Variants in PARD3B observed in about 807,000 individuals in gnomAD.
The protein encoded by PARD3B is partitioning defective 3 homolog B.
Under a neutral mutation model 130.2 loss-of-function variants are expected in PARD3B, and 103 were observed. That is an observed-to-expected ratio of 0.79 (90% confidence interval 0.67 to 0.93). The LOEUF (loss-of-function observed/expected upper bound fraction) is 0.93. Ranked by LOEUF, PARD3B falls within the 40% of genes least tolerant of loss-of-function variation. The pLI is 0.00. For synonymous variants in PARD3B, 583 were observed against 553.2 expected, an observed-to-expected ratio of 1.05 and a Z score of -0.76; for missense variants, 1,609 against 1,499.2, an observed-to-expected ratio of 1.07 and a Z score of -1.21.
In PARD3B at chr2:205,538,472, T is replaced by TACACACAC. The variant is rs71410824; in HGVS notation, c.3181-14838_3181-14831dup. On this transcript the variant is annotated intron_variant, in intron 21 of 22. Transcript: ENST00000406610. ...CAACAATAAGATGGTCACGTGTGTG[T>TACACACAC]ACACACACACACACACACACATGCA... 5.2e-4 allele frequency among the ~76,000 whole-genome samples: 78 copies of TACACACAC among 150,854 alleles called. 1 individual carries two copies. Among genetic ancestry groups the TACACACAC allele is most frequent in the African/African-American group, 1.1e-3 (45 of 41,252 alleles).
chr2:205,212,507 G>T (rs747365249), intron 15 of PARD3B, among the ~76,000 whole-genome samples: 1 of 152,106 alleles, frequency 6.6e-6, no homozygotes, highest in Non-Finnish European at 1.5e-5. Context: ...AGTAGGGTGA[G>T]GAAGGATTGC....
intron 18 of PARD3B, among the ~76,000 whole-genome samples, chr2:205,392,277 A>C (rs2045887014): frequency 6.6e-6 from 1 of 152,194 alleles, no homozygotes; most frequent in East Asian, 1.9e-4. Flanking sequence ...AAAAACAAAC[A>C]TCAACATATT....
Position 205,325,365 on chromosome 2 carries a change from C to T in PARD3B, c.2630+23664C>T, listed in dbSNP as rs1328612296. Among the ~76,000 whole-genome samples, 2 of 152,246 alleles carry T rather than the reference C, an allele frequency of 1.3e-5. No homozygotes were observed. Among genetic ancestry groups the T allele is most frequent in the African/African-American group, 2.4e-5 (1 of 41,552 alleles). On this transcript the variant is annotated intron_variant, in intron 18 of 22. Transcript: ENST00000406610. The surrounding 1 kb of genome is among the most constrained non-coding windows in gnomAD (Gnocchi z 4.1). ...GGGCTTTTCATATTCCCTGTGACTA[C>T]AATGCCCTTTCCCCATCCTTCAATC...
At chr2:205,204,223 A>C (rs1476436383) in intron 15 of PARD3B, among the ~76,000 whole-genome samples, 1 of 152,122 alleles carries the variant, frequency 6.6e-6, no homozygotes, top group Non-Finnish European at 1.5e-5. Flanking sequence ...GCTTTTCTTC[A>C]TATGTTTGTT....
intron 2 of PARD3B, among the ~76,000 whole-genome samples, chr2:204,749,478 T>A (rs1297851213): frequency 6.6e-6 from 1 of 152,184 alleles, no homozygotes; most frequent in Non-Finnish European, 1.5e-5. Context: ...GGAAAATAGA[T>A]GACTAAGAGT....
intron 21 of PARD3B, among the ~76,000 whole-genome samples, chr2:205,535,586 G>A (rs2051813502): frequency 6.6e-6 from 1 of 152,156 alleles, no homozygotes; most frequent in Non-Finnish European, 1.5e-5. Context: ...AAATATTGAT[G>A]TAATGGGTCT....
At chr2:205,161,716 A>T (rs142130959) in intron 11 of PARD3B, among the ~76,000 whole-genome samples, 1 of 152,308 alleles carries the variant, frequency 6.6e-6, no homozygotes, top group Non-Finnish European at 1.5e-5. Context: ...AGCACTGGGA[A>T]CATCTTTGTC....
chr2:205,133,279 A>G (rs1021608029), intron 10 of PARD3B, among the ~76,000 whole-genome samples: 7 of 152,188 alleles, frequency 4.6e-5, no homozygotes, highest in Non-Finnish European at 7.4e-5. Flanking sequence ...TGTTAGCGGT[A>G]TTTTTACAGT....
At chr2:205,542,168 A>C (rs2052174325) in intron 21 of PARD3B, among the ~76,000 whole-genome samples, 1 of 150,640 alleles carries the variant, frequency 6.6e-6, no homozygotes, top group Non-Finnish European at 1.5e-5. Flanking sequence ...AAAAAAAAAA[A>C]AAAAAGTATA....
At chr2:205,095,997 T>C (rs1234935300) in intron 4 of PARD3B, among the ~76,000 whole-genome samples, 1 of 152,094 alleles carries the variant, frequency 6.6e-6, no homozygotes, top group Non-Finnish European at 1.5e-5. Flanking sequence ...ATTTCAGGTA[T>C]GCTTCATGCC....
At chr2:204,573,933 A>G (rs1004398379) in intron 1 of PARD3B, among the ~76,000 whole-genome samples, 1 of 151,988 alleles carries the variant, frequency 6.6e-6, no homozygotes, top group Admixed American at 6.6e-5. Flanking sequence ...TTATTCCTCT[A>G]CTGTCTTATA....
At chr2:205,054,752 A>T (rs1485471038) in intron 4 of PARD3B, among the ~76,000 whole-genome samples, 8 of 151,958 alleles carry the variant, frequency 5.3e-5, no homozygotes. Context: ...GCTTTCTAGA[A>T]AGCCTAAGAC....
rs1295505689 is a variant in PARD3B at position 204,553,534 on chromosome 2, T to TGG, written c.120+7418_120+7419dup. Among the ~76,000 whole-genome samples, 265 of 106,688 alleles carry TGG rather than the reference T, an allele frequency of 2.5e-3. 1 individual carries two copies. The highest frequency in any genetic ancestry group is 7.6e-3 in the African/African-American group (250 of 33,044). The allele number at this position is 106,688 out of a possible 152,430, so 70.0% of individuals were successfully genotyped here. Reference sequence around the variant, plus strand: ...AGTCAACGAGTGGGTAAAGAATCTGTGGGGTGTGTGTGTGTGTGTGTGTGT... The same window carrying TGG: ...AGTCAACGAGTGGGTAAAGAATCTGTGGGGGGTGTGTGTGTGTGTGTGTGTGT... On this transcript the variant is annotated intron_variant, in intron 1 of 22. Coordinates refer to ENST00000406610, the MANE Select transcript of PARD3B (RefSeq NM_001302769.2).
intron 4 of PARD3B, among the ~76,000 whole-genome samples, chr2:205,052,452 A>ATATATATATAT (rs1443249681): frequency 0.053 from 1,093 of 20,444 alleles, 23 homozygotes; most frequent in Middle Eastern, 0.083. Context: ...TATATATATA[A>ATATATATATAT]AATTAAAAAA....
chr2:204,721,414 G>A (rs1202366897), intron 2 of PARD3B, among the ~76,000 whole-genome samples: 7 of 152,104 alleles, frequency 4.6e-5, no homozygotes, highest in Admixed American at 6.6e-5. Context: ...GGCTGGAGGG[G>A]CTCTTTTAAA....
chr2:205,452,542 C>T lies in PARD3B; in HGVS notation c.3044+11870C>T, dbSNP rs529321725. Among the ~76,000 whole-genome samples, 26 of 152,114 alleles carry T rather than the reference C, an allele frequency of 1.7e-4. 3 individuals are homozygous for T. Among genetic ancestry groups the T allele is most frequent in the African/African-American group, 5.8e-4 (24 of 41,476 alleles). On this transcript the variant is annotated intron_variant, in intron 20 of 22. Transcript: ENST00000406610. ...AGATTTTTTTTCTTAGAACATATTA[C>T]CATCAATTTTTAAGTGACTTTTAAA...
chr2:204,973,701 TATG>T (rs1216614936), intron 3 of PARD3B, among the ~76,000 whole-genome samples: 2 of 152,208 alleles, frequency 1.3e-5, no homozygotes, highest in East Asian at 3.8e-4. Flanking sequence ...GATAAAGCCT[TATG>T]ATGAATTATG....
chr2:204,878,077 A>G (rs532026457), intron 2 of PARD3B, among the ~76,000 whole-genome samples: 1 of 152,318 alleles, frequency 6.6e-6, no homozygotes, highest in African/African-American at 2.4e-5. Context: ...ATCTACTGTC[A>G]GATATTAAAC....
rs986748022 is a variant in PARD3B at position 205,575,069 on chromosome 2, A to G, written c.3260+21666A>G. Among the ~76,000 whole-genome samples the G allele has an allele frequency of 6.9e-5, 9 of 130,322 alleles. No individual in the cohort carries two copies. The highest frequency in any genetic ancestry group is 4.8e-5 in the Non-Finnish European group (3 of 62,784). 85.5% of individuals were successfully genotyped at this position (130,322 alleles called of 152,430 possible). On this transcript the variant is annotated intron_variant, in intron 22 of 22. Coordinates refer to ENST00000406610, the MANE Select transcript of PARD3B (RefSeq NM_001302769.2). This position sits in a 1 kb window ranked among gnomAD's most constrained non-coding sequence, Gnocchi z 4.6. ...CATGATCCACATCAAAATACATTAT[A>G]TACACATTTAAATAGACACACACAC...
Sources: allele counts gnomAD v4.1 joint callset (sites outside exome capture counted in the v4.1 genomes callset), GRCh38; gene constraint gnomAD v4.1.1; non-coding constraint Gnocchi (gnomAD v3.1); transcripts MANE v1.5; gene names NCBI Gene and HGNC (gene_info 2026-07-23, HGNC 2026-07-21).